Variants in FARP1 observed in about 807,000 individuals in gnomAD.
FARP1 encodes FERM, ARHGEF and pleckstrin domain-containing protein 1.
Under a neutral mutation model 128.8 loss-of-function variants are expected in FARP1, and 52 were observed. The observed-to-expected ratio is 0.40, with a 90% CI of 0.32 to 0.51. FARP1 has a LOEUF of 0.51. Among genes scored for constraint, FARP1 ranks in the 20% least tolerant of loss-of-function variants. FARP1 has a pLI of 0.45. For synonymous variants in FARP1, 580 were observed against 551.8 expected (o/e 1.05, Z -0.72); for missense variants, 1,333 against 1,367.9 (o/e 0.97, Z 0.40).
At chr13:98,392,515 G>T (rs1890352929) in intron 11 of FARP1, among the ~76,000 whole-genome samples, 2 of 150,442 alleles carry the variant, frequency 1.3e-5, no homozygotes, top group South Asian at 4.2e-4. Flanking sequence ...AAAAAAAAGA[G>T]AAAAAAGAAA....
intron 16 of FARP1, among the ~76,000 whole-genome samples, chr13:98,418,278 T>G (rs1259515433): frequency 0.018 from 2,662 of 148,192 alleles, 87 homozygotes; most frequent in African/African-American, 0.066. Flanking sequence ...TTGTTTTGTT[T>G]TTTGTTTTTT....
intron 2 of FARP1, among the ~76,000 whole-genome samples, chr13:98,262,461 A>T (rs530465594): frequency 9.2e-5 from 14 of 152,058 alleles, no homozygotes; most frequent in Non-Finnish European, 1.9e-4. Flanking sequence ...GTGTTGGGTG[A>T]GGTGATCATG....
intron 2 of FARP1, among the ~76,000 whole-genome samples, chr13:98,223,588 A>T (rs1261787010): frequency 6.6e-6 from 1 of 152,184 alleles, no homozygotes; most frequent in African/African-American, 2.4e-5. Context: ...GGCCTCCCAA[A>T]GTCCTGGAAT....
intron 1 of FARP1, among the ~76,000 whole-genome samples, chr13:98,198,358 G>A (rs544801803): frequency 2.2e-4 from 34 of 152,302 alleles, no homozygotes; most frequent in African/African-American, 6.5e-4. Context: ...ATGTTTTTCT[G>A]TAGGGGAATG....
At chr13:98,359,954 T>C (rs773227162) in intron 3 of FARP1, among the ~76,000 whole-genome samples, 1 of 152,150 alleles carries the variant, frequency 6.6e-6, no homozygotes, top group Non-Finnish European at 1.5e-5. Context: ...TGGAGCAAGA[T>C]GGGCTCAAAG....
chr13:98,377,132 C>T (rs1450790064), intron 5 of FARP1, among the ~76,000 whole-genome samples: 2 of 151,764 alleles, frequency 1.3e-5, no homozygotes, highest in Non-Finnish European at 2.9e-5. Context: ...GAAACCCCGT[C>T]TCTACTAAAA....
chr13:98,394,984 A>T (rs1004625732), intron 12 of FARP1, among the ~76,000 whole-genome samples: 1 of 152,184 alleles, frequency 6.6e-6, no homozygotes, highest in Non-Finnish European at 1.5e-5. Flanking sequence ...CCTGGAAAGC[A>T]GAGACCGGGC....
intron 16 of FARP1, among the ~76,000 whole-genome samples, chr13:98,418,505 C>G (rs112635947): frequency 6.8e-4 from 104 of 152,302 alleles, no homozygotes; most frequent in African/African-American, 2.4e-3. Flanking sequence ...GAACTCCTGA[C>G]CTCAAGTGAT....
intron 11 of FARP1, among the ~76,000 whole-genome samples, chr13:98,391,222 T>C (rs1160474178): frequency 6.6e-6 from 1 of 152,202 alleles, no homozygotes; most frequent in Non-Finnish European, 1.5e-5. Context: ...GGGATTTGTA[T>C]TGAAAGCATG....
At chr13:98,419,483 T>TACACACACACACACACACACAC (rs57751374) in intron 16 of FARP1, among the ~76,000 whole-genome samples, 8 of 140,046 alleles carry the variant, frequency 5.7e-5, no homozygotes, top group Admixed American at 2.2e-4. Flanking sequence ...CAAAAAAAAA[T>TACACACACACACACACACACAC]ACACACACAC....
intron 2 of FARP1, among the ~76,000 whole-genome samples, chr13:98,275,367 T>G (rs1311018243): frequency 3.9e-4 from 39 of 100,020 alleles, no homozygotes; most frequent in South Asian, 6.5e-4. Context: ...GAGAGAGAGA[T>G]AATATTTATA....
At chr13:98,369,620 G>T (rs1352735575) in intron 5 of FARP1, among the ~76,000 whole-genome samples, 1 of 151,940 alleles carries the variant, frequency 6.6e-6, no homozygotes, top group African/African-American at 2.4e-5. Context: ...GTGGTGTTTG[G>T]TTTTTTGTCC....
At chr13:98,193,687 C>T (rs1290494734) in intron 1 of FARP1, among the ~76,000 whole-genome samples, 2 of 152,250 alleles carry the variant, frequency 1.3e-5, no homozygotes, top group African/African-American at 4.8e-5. Flanking sequence ...GCCCCAATTC[C>T]TGTCTAATTC....
intron 17 of FARP1, 25 bp downstream of exon 17, chr13:98,424,675 A>T (rs1188498182): frequency 6.5e-7 from 1 of 1,541,978 alleles, no homozygotes. Flanking sequence ...ATTTGGGTGG[A>T]GCAAGGTTCA....
At chr13:98,444,070 C>CCCCA (rs1892666060) in intron 24 of FARP1, among the ~76,000 whole-genome samples, 1 of 151,764 alleles carries the variant, frequency 6.6e-6, no homozygotes, top group East Asian at 1.9e-4. Flanking sequence ...GGGAAAATGT[C>CCCCA]CCCACCTGAC....
chr13:98,295,875 A>G (rs377707358), intron 2 of FARP1, among the ~76,000 whole-genome samples: 1 of 152,182 alleles, frequency 6.6e-6, no homozygotes, highest in South Asian at 2.1e-4. Flanking sequence ...CCATCCTTTT[A>G]TATTTTGCAT....
intron 2 of FARP1, among the ~76,000 whole-genome samples, chr13:98,319,048 G>A (rs953226369): frequency 6.8e-6 from 1 of 147,310 alleles, no homozygotes; most frequent in East Asian, 2.0e-4. Flanking sequence ...CTGCAGCCTC[G>A]GCCCCCTGGG....
At chr13:98,273,709 A>G (rs1279142523) in intron 2 of FARP1, among the ~76,000 whole-genome samples, 1 of 152,244 alleles carries the variant, frequency 6.6e-6, no homozygotes, top group Non-Finnish European at 1.5e-5. Flanking sequence ...TTGATAACAT[A>G]GCTCGTGTGA....
intron 1 of FARP1, among the ~76,000 whole-genome samples, chr13:98,182,206 C>T (rs1000845342): frequency 5.3e-5 from 8 of 152,148 alleles, no homozygotes; most frequent in Non-Finnish European, 1.2e-4. Flanking sequence ...ATTCCCATAG[C>T]TCTTTGACTT....
Sources: gnomAD v4.1 joint callset for allele counts (sites outside exome capture counted in the v4.1 genomes callset) on GRCh38, gnomAD v4.1.1 for gene constraint, MANE v1.5 for transcripts, NCBI Gene and HGNC (gene_info 2026-07-23, HGNC 2026-07-21) for gene names.